The following DNAH14 variants were observed in gnomAD, a reference collection of about 807,000 sequenced individuals.
The protein encoded by DNAH14 is dynein axonemal heavy chain 14.
Under a neutral mutation model 520.9 loss-of-function variants are expected in DNAH14, and 478 were observed. The observed-to-expected ratio is 0.92, with a 90% CI of 0.85 to 0.99. DNAH14 has a LOEUF of 0.99. DNAH14 is among the 50% of genes least tolerant of loss of function. DNAH14 has a pLI of 0.00. For synonymous variants in DNAH14, 1,581 were observed against 1,757.2 expected, an observed-to-expected ratio of 0.90 and a Z score of 2.51; for missense variants, 4,831 against 5,234.5, an observed-to-expected ratio of 0.92 and a Z score of 2.38.
At chr1:225,379,128 C>T (rs1436979029) in intron 79 of DNAH14, among the ~76,000 whole-genome samples, 1 of 152,140 alleles carries the variant, frequency 6.6e-6, no homozygotes, top group Admixed American at 6.5e-5. Context: ...CCTGTCACCA[C>T]CCGCGGAGTG....
chr1:224,937,519 G>A (rs1334378303), intron 1 of DNAH14, among the ~76,000 whole-genome samples: 2 of 151,768 alleles, frequency 1.3e-5, no homozygotes, highest in Non-Finnish European at 2.9e-5. Flanking sequence ...TTCTATACAA[G>A]AAAACTATGA....
At chr1:225,175,843 G>A (rs1446737083) in intron 36 of DNAH14, among the ~76,000 whole-genome samples, 5 of 151,290 alleles carry the variant, frequency 3.3e-5, no homozygotes, top group East Asian at 3.9e-4. Flanking sequence ...CACAAGCTCT[G>A]CACCTCCAGG....
rs1246944260 is a variant in DNAH14, at chr1:225,080,449, C to G, written c.2837C>G (p.Ser946Ter). 2 of 1,551,502 alleles carry G rather than the reference C, an allele frequency of 1.3e-6. No homozygotes were observed. Among genetic ancestry groups the G allele is most frequent in the African/African-American group, 2.7e-5 (2 of 73,044 alleles). Residue 946 changes from serine to a stop codon, truncating the protein, a stop_gained, in exon 19 of 86, where the codon TCA becomes TGA. Coordinates refer to ENST00000682510, the MANE Select transcript of DNAH14 (RefSeq NM_001367479.1). LOFTEE classifies it high-confidence loss of function. ...GCAATGGAAATGATCCAGACTCTCTCAGGGGAAGCTGCAAGTTTAACTAAC... is the reference window on the plus strand; with the variant it reads ...GCAATGGAAATGATCCAGACTCTCTGAGGGGAAGCTGCAAGTTTAACTAAC... ...STAMEMIQTL[S>*]GEAASLTNKA...
At chr1:225,217,836 T>A (rs543979597) in intron 41 of DNAH14, among the ~76,000 whole-genome samples, 75 of 152,272 alleles carry the variant, frequency 4.9e-4, no homozygotes, top group African/African-American at 1.8e-3. Flanking sequence ...AATTCCCTGA[T>A]CCCTTGGGCT....
chr1:225,081,741 C>T (rs915680912), intron 19 of DNAH14, among the ~76,000 whole-genome samples: 3 of 151,962 alleles, frequency 2.0e-5, no homozygotes, highest in Admixed American at 6.6e-5. Flanking sequence ...AACTTTGGCC[C>T]CTCCTCTTTA....
intron 8 of DNAH14, among the ~76,000 whole-genome samples, chr1:224,978,360 A>G (rs1172292511): frequency 3.3e-5 from 5 of 152,248 alleles, no homozygotes; most frequent in African/African-American, 7.2e-5. Flanking sequence ...TTATGGCAAG[A>G]TGGATGAGTT....
intron 11 of DNAH14, among the ~76,000 whole-genome samples, chr1:225,029,355 G>T (rs1024125903): frequency 6.6e-6 from 1 of 151,972 alleles, no homozygotes; most frequent in Non-Finnish European, 1.5e-5. Flanking sequence ...GATTGTAGTG[G>T]TTGTTAACTG....
intron 35 of DNAH14, among the ~76,000 whole-genome samples, chr1:225,165,725 A>G (rs1227821879): frequency 6.6e-6 from 1 of 151,906 alleles, no homozygotes; most frequent in East Asian, 1.9e-4. Context: ...CTAGGACTAC[A>G]GGCACCCACC....
At chr1:225,013,591 T>C (rs2064978826) in intron 10 of DNAH14, among the ~76,000 whole-genome samples, 1 of 152,170 alleles carries the variant, frequency 6.6e-6, no homozygotes, top group Admixed American at 6.5e-5. Context: ...GCCAAGGAGA[T>C]GGGAGTTTTA....
chr1:225,226,861 A>G (rs1188314763), intron 41 of DNAH14, among the ~76,000 whole-genome samples: 1 of 150,664 alleles, frequency 6.6e-6, no homozygotes, highest in African/African-American at 2.5e-5. Flanking sequence ...GCAGGAAAAC[A>G]TGTGAGCAAA....
At chr1:224,995,413 T>C (rs1438572384) in intron 8 of DNAH14, among the ~76,000 whole-genome samples, 1 of 152,156 alleles carries the variant, frequency 6.6e-6, no homozygotes, top group Non-Finnish European at 1.5e-5. Context: ...ACAAATCTGC[T>C]GATTGTTATA....
chr1:225,256,900 T>C (rs917714436), intron 44 of DNAH14, among the ~76,000 whole-genome samples: 3 of 151,634 alleles, frequency 2.0e-5, no homozygotes, highest in Non-Finnish European at 4.4e-5. Context: ...CCATTTGCTA[T>C]TTTAAAAAAA....
intron 10 of DNAH14, among the ~76,000 whole-genome samples, chr1:225,016,594 G>A (rs2065233588): frequency 1.3e-5 from 2 of 152,116 alleles, no homozygotes; most frequent in South Asian, 4.1e-4. Flanking sequence ...TCTCTTCCAA[G>A]ACATGGGAAA....
chr1:225,280,618 AAAAG>A (rs1355168917), intron 54 of DNAH14, among the ~76,000 whole-genome samples: 1 of 152,004 alleles, frequency 6.6e-6, no homozygotes, highest in Admixed American at 6.6e-5. Flanking sequence ...AAGAAAGAAA[AAAAG>A]AAGTTCAATC....
chr1:225,244,673 T>C (rs2092172286), intron 43 of DNAH14, among the ~76,000 whole-genome samples: 1 of 152,330 alleles, frequency 6.6e-6, no homozygotes, highest in East Asian at 1.9e-4. Flanking sequence ...TGGTAGTTTG[T>C]ATTTCTGTGG....
chr1:225,058,556 T>G (rs2069508466), intron 17 of DNAH14, among the ~76,000 whole-genome samples: 1 of 152,220 alleles, frequency 6.6e-6, no homozygotes, highest in African/African-American at 2.4e-5. Context: ...TCTAAGTTAT[T>G]TCTTGCCTTC....
intron 39 of DNAH14, among the ~76,000 whole-genome samples, chr1:225,205,141 G>T (rs1573972796): frequency 1.3e-5 from 2 of 152,138 alleles, no homozygotes; most frequent in East Asian, 3.9e-4. Context: ...GCACAGTGGT[G>T]GGTGTAGCAT....
At chr1:225,103,041 T>C (rs1228732365) in intron 23 of DNAH14, among the ~76,000 whole-genome samples, 1 of 152,254 alleles carries the variant, frequency 6.6e-6, no homozygotes, top group African/African-American at 2.4e-5. Flanking sequence ...TTTAAGTCTT[T>C]AATCCATCTT....
At position 225,051,652 on chromosome 1, in the gene DNAH14, G is replaced by A. The variant is rs759579511; in HGVS notation, c.2281G>A (p.Ala761Thr). 83 of 1,550,810 alleles carry A rather than the reference G, an allele frequency of 5.4e-5. No homozygotes were observed. The highest frequency in any genetic ancestry group is 7.2e-5 in the Non-Finnish European group (82 of 1,146,490). ...CTATTTTAGACATATTGTGAATATG[G>A]CCATTGAGAAGCGTATTGGTATTTT... is the stretch of plus-strand genomic sequence containing the variant. The part of the protein sequence containing the change: ...RNYFRHIVNM[A>T]IEKRIGIFNV... The change falls in exon 17 of 86, where the codon GCC (alanine) becomes ACC (threonine). Residue 761 changes from alanine (A) to threonine (T), a missense_variant. By Grantham distance (58) the Ala-to-Thr change is moderately conservative. Coordinates refer to ENST00000682510, the MANE Select transcript of DNAH14 (RefSeq NM_001367479.1).
Sources: allele counts gnomAD v4.1 joint callset (sites outside exome capture counted in the v4.1 genomes callset), GRCh38; gene constraint gnomAD v4.1.1; transcripts MANE v1.5; gene names NCBI Gene and HGNC (gene_info 2026-07-23, HGNC 2026-07-21).